The following CECR2 variants were observed in gnomAD, a reference collection of about 807,000 sequenced individuals.
CECR2 encodes chromatin remodeling regulator CECR2.
CECR2 carries 30 observed loss-of-function variants against 154.5 expected under a neutral mutation model. That is an observed-to-expected ratio of 0.19 (90% CI 0.15 to 0.26). The LOEUF (loss-of-function observed/expected upper bound fraction) is 0.26, where lower values mean the gene tolerates loss of function less well. Ranked by LOEUF, CECR2 falls within the 10% of genes least tolerant of loss-of-function variation. The probability of loss-of-function intolerance (pLI) is 1.00; values close to 1 mark genes in which losing one functional copy is unlikely to be tolerated. For missense variants in CECR2, 1,743 were observed against 1,829.3 expected, an observed-to-expected ratio of 0.95 and a Z score of 0.86; for synonymous variants, 725 against 683.7, an observed-to-expected ratio of 1.06 and a Z score of -0.94.
At chr22:17,497,883 C>G (rs886304221) in intron 3 of CECR2, among the ~76,000 whole-genome samples, 1 of 152,198 alleles carries the variant, frequency 6.6e-6, no homozygotes, top group Non-Finnish European at 1.5e-5. Context: ...CCTGTTTGTT[C>G]TGTCATCAGC....
intron 8 of CECR2, among the ~76,000 whole-genome samples, chr22:17,522,775 T>C (rs1014434180): frequency 9.2e-5 from 14 of 151,966 alleles, no homozygotes; most frequent in Admixed American, 7.2e-4. Flanking sequence ...GAGGCTGAGG[T>C]GGGCGGATCA....
intron 10 of CECR2, among the ~76,000 whole-genome samples, chr22:17,538,123 T>G (rs992272981): frequency 3.9e-5 from 6 of 151,996 alleles, no homozygotes; most frequent in Non-Finnish European, 8.8e-5. Context: ...GAGGCTAAGG[T>G]GACAGGATTG....
intron 1 of CECR2, among the ~76,000 whole-genome samples, chr22:17,467,123 G>A (rs2055046159): frequency 6.6e-6 from 1 of 152,116 alleles, no homozygotes; most frequent in African/African-American, 2.4e-5. Flanking sequence ...TTGGGATAAG[G>A]GGAAAATAGC....
rs945700405 is a variant in CECR2 at position 17,554,375 on chromosome 22, G to C, written c.*1535G>C. The C allele has an allele frequency of 3.3e-5, 5 of 152,182 alleles. No individual in the cohort carries two copies. Among genetic ancestry groups the C allele is most frequent in the African/African-American group, 1.2e-4 (5 of 41,434 alleles). The allele number at this position is 152,182 out of a possible 1,614,324, so 9.4% of individuals were successfully genotyped here. A position where few individuals can be genotyped will look rare whatever the true frequency, so the allele number is the denominator to read the frequency against. ...TCTGCCCTAGTTTCTTATAAATTCAGCTGTGGGAGGGGCCAGTAGAGTGTT... is the reference window on the plus strand; with the variant it reads ...TCTGCCCTAGTTTCTTATAAATTCACCTGTGGGAGGGGCCAGTAGAGTGTT... On this transcript the variant is annotated 3_prime_UTR_variant, in exon 19 of 19. Coordinates refer to ENST00000262608, the MANE Select transcript of CECR2 (RefSeq NM_001290047.2).
At chr22:17,543,559 C>T (rs1381616110) in intron 16 of CECR2, among the ~76,000 whole-genome samples, 1 of 144,170 alleles carries the variant, frequency 6.9e-6, no homozygotes, top group African/African-American at 2.7e-5. Flanking sequence ...GGCACTCCTC[C>T]TGAGACTTTT....
At chr22:17,552,572 C>T (rs1208189212) in intron 18 of CECR2, among the ~76,000 whole-genome samples, 4 of 152,030 alleles carry the variant, frequency 2.6e-5, no homozygotes, top group African/African-American at 9.7e-5. Flanking sequence ...TTTCCCTTGA[C>T]CCCCACAAAG....
In CECR2 at chr22:17,497,318, G is replaced by A. The variant is rs1001381530; in HGVS notation, c.222-85G>A. 8.1e-6 allele frequency: 11 copies of A among 1,353,828 alleles called. No homozygotes were observed. The African/African-American group carries it at 1.2e-4, about 14-fold the overall frequency. 83.9% of individuals were successfully genotyped at this position (1,353,828 alleles called of 1,614,324 possible). A position where few individuals can be genotyped will look rare whatever the true frequency, so the allele number is the denominator to read the frequency against. ...AAAAACAAAAATCTGTTAGCTGTCA[G>A]ATCATGAGTTCTCTCTCTCTCTCCT... On this transcript the variant is annotated intron_variant, in intron 2 of 18. Coordinates refer to ENST00000262608, the MANE Select transcript of CECR2 (RefSeq NM_001290047.2).
chr22:17,472,948 G>A (rs532801874), intron 1 of CECR2, among the ~76,000 whole-genome samples: 28 of 152,238 alleles, frequency 1.8e-4, no homozygotes, highest in African/African-American at 6.5e-4. Flanking sequence ...GTATGTAAAG[G>A]CCCTGTTTCT....
intron 1 of CECR2, among the ~76,000 whole-genome samples, chr22:17,457,367 C>T (rs186854043): frequency 1.1e-4 from 17 of 152,352 alleles, no homozygotes; most frequent in Non-Finnish European, 2.4e-4. Flanking sequence ...CTAGGCCTTT[C>T]TGAACTAATA....
At chr22:17,472,903 C>T (rs903498547) in intron 1 of CECR2, among the ~76,000 whole-genome samples, 6 of 152,088 alleles carry the variant, frequency 3.9e-5, no homozygotes, top group South Asian at 2.1e-4. Flanking sequence ...CAGGACTTGC[C>T]GAAGTGCAGA....
chr22:17,558,079 A>C lies in CECR2; in HGVS notation c.*5239A>C, dbSNP rs1300514131. The C allele has an allele frequency of 6.6e-6, 1 of 152,178 alleles. No homozygotes were observed. The highest frequency in any genetic ancestry group is 1.9e-4 in the East Asian group (1 of 5,206). The allele number at this position is 152,178 out of a possible 1,614,324, so 9.4% of individuals were successfully genotyped here. A position where few individuals can be genotyped will look rare whatever the true frequency, so the allele number is the denominator to read the frequency against. ...AAAGAACTTTTTAAAAAGCTTTTTG[A>C]TCCTTGGAGGTCTGTAGATTTATTT... On this transcript the variant is annotated 3_prime_UTR_variant, in exon 19 of 19. Transcript: ENST00000262608.
intron 1 of CECR2, chr22:17,428,293 A>G (rs1165390467): frequency 6.6e-6 from 1 of 152,188 alleles, no homozygotes; most frequent in Non-Finnish European, 1.5e-5. Context: ...GAGTAGTCAC[A>G]TAATGTCTGC....
intron 1 of CECR2, chr22:17,418,687 G>A (rs955505181): frequency 1.2e-5 from 6 of 487,244 alleles, no homozygotes; most frequent in Non-Finnish European, 1.8e-5. Context: ...TCTAGTGCCC[G>A]GCGTCAGACA....
intron 8 of CECR2, among the ~76,000 whole-genome samples, chr22:17,521,340 A>G (rs907051441): frequency 3.3e-5 from 5 of 152,130 alleles, no homozygotes; most frequent in African/African-American, 7.2e-5. Context: ...GGAGATCGAG[A>G]CCATCCTGGC....
Position 17,541,895 on chromosome 22 carries a change from G to A in CECR2, c.1941G>A (p.Leu647=). Residue 647 remains leucine, a synonymous_variant, in exon 15 of 19, where the codon TTG becomes TTA. Coordinates refer to ENST00000262608, the MANE Select transcript of CECR2 (RefSeq NM_001290047.2). ...GPLRGSDPAT[L]YGSSGVPEPH... ...TGCGAGGATCAGATCCTGCCACCTT[G>A]TATGGCTCCTCTGGAGTCCCGGAGC... is the stretch of plus-strand genomic sequence containing the variant. 6.2e-7 allele frequency: 1 copy of A among 1,613,972 alleles called. No individual in the cohort carries two copies. Among genetic ancestry groups the A allele is most frequent in the Non-Finnish European group, 8.5e-7 (1 of 1,179,884 alleles).
At chr22:17,485,585 A>G (rs2055406702) in intron 2 of CECR2, among the ~76,000 whole-genome samples, 1 of 152,144 alleles carries the variant, frequency 6.6e-6, no homozygotes, top group South Asian at 2.1e-4. Context: ...CCTGGGCAAC[A>G]TGGTGAAACC....
At position 17,524,004 on chromosome 22, in the gene CECR2, T is replaced by C. The variant is rs16979818; in HGVS notation, c.955-114T>C. 6.1e-3 allele frequency: 4,866 copies of C among 803,686 alleles called. 174 individuals are homozygous for C. The African/African-American group carries it at 0.076, about 13-fold the overall frequency. 49.8% of individuals were successfully genotyped at this position (803,686 alleles called of 1,614,324 possible). A position where few individuals can be genotyped will look rare whatever the true frequency, so the allele number is the denominator to read the frequency against. Reference sequence around the variant, plus strand: ...ATAACAAAATCAGCTTTTCGTGATATAAAGTCCCTAGCTAATATTATTTGT... The same window carrying C: ...ATAACAAAATCAGCTTTTCGTGATACAAAGTCCCTAGCTAATATTATTTGT... On this transcript the variant is annotated intron_variant, in intron 8 of 18. Transcript: ENST00000262608.
At position 17,526,776 on chromosome 22, in the gene CECR2, T is replaced by C. The variant is rs376315052; in HGVS notation, c.1108+2505T>C. Among the ~76,000 whole-genome samples the C allele has an allele frequency of 6.5e-5, 8 of 122,616 alleles. No homozygotes were observed. The East Asian group carries it at 2.1e-3, about 33-fold the overall frequency. The allele number at this position is 122,616 out of a possible 152,430, so 80.4% of individuals were successfully genotyped here. A position where few individuals can be genotyped will look rare whatever the true frequency, so the allele number is the denominator to read the frequency against. ...GTGAGCTAAGATTGCATCACTGCACTCCAACCTGTGTGACAGAGTAAGACT... is the reference window on the plus strand; with the variant it reads ...GTGAGCTAAGATTGCATCACTGCACCCCAACCTGTGTGACAGAGTAAGACT... On this transcript the variant is annotated intron_variant, in intron 9 of 18. Transcript: ENST00000262608.
chr22:17,448,634 G>A (rs891635000), intron 1 of CECR2, among the ~76,000 whole-genome samples: 1 of 152,078 alleles, frequency 6.6e-6, no homozygotes, highest in South Asian at 2.1e-4. Context: ...TTTATACTTT[G>A]GGACCTAAAT....
Sources: allele counts gnomAD v4.1 joint callset (sites outside exome capture counted in the v4.1 genomes callset), GRCh38; gene constraint gnomAD v4.1.1; transcripts MANE v1.5; gene names NCBI Gene and HGNC (gene_info 2026-07-23, HGNC 2026-07-21).